KCNQ1: variants seen among roughly 807,000 people sequenced by gnomAD.
KCNQ1 encodes the protein potassium voltage-gated channel subfamily KQT member 1.
A neutral mutation model predicts 72.4 loss-of-function variants in KCNQ1; 49 were observed. The ratio of observed to expected loss-of-function variants is 0.68; its 90% CI spans 0.54 to 0.86. KCNQ1 has a LOEUF of 0.86. KCNQ1 is among the 40% of genes least tolerant of loss of function. The probability of loss-of-function intolerance (pLI) is 0.00; values close to 1 mark genes in which losing one functional copy is unlikely to be tolerated. For missense variants in KCNQ1, 790 were observed against 945.1 expected (o/e 0.84, Z 2.15); for synonymous variants, 450 against 412.6 (o/e 1.09, Z -1.10).
chr11:2,741,152 G>T (rs924623274), intron 11 of KCNQ1, among the ~76,000 whole-genome samples: 2 of 152,190 alleles, frequency 1.3e-5, no homozygotes, highest in Non-Finnish European at 2.9e-5. Context: ...AAGAGTCTCT[G>T]GTGAGTCTCA....
chr11:2,542,701 A>G (rs549840609), intron 2 of KCNQ1, among the ~76,000 whole-genome samples: 103 of 152,288 alleles, frequency 6.8e-4, no homozygotes, highest in African/African-American at 2.3e-3. Context: ...TGTCAGTGCA[A>G]TCATACAGTG....
chr11:2,817,322 G>A lies in KCNQ1; in HGVS notation c.1795-30445G>A, dbSNP rs370974875. On this transcript the variant is annotated intron_variant, in intron 15 of 15. Coordinates refer to ENST00000155840, the MANE Select transcript of KCNQ1 (RefSeq NM_000218.3). The surrounding 1 kb of genome is among the most constrained non-coding windows in gnomAD (Gnocchi z 6.1). ...AGAACCCACGGCGGCCCTTTCCGTG[G>A]CTTCAGCCAGTTTCTGAGCGCTACC... is the stretch of plus-strand genomic sequence containing the variant. 1.3e-5 allele frequency among the ~76,000 whole-genome samples: 2 copies of A among 152,120 alleles called. No homozygotes were observed. The highest frequency in any genetic ancestry group is 3.9e-4 in the East Asian group (2 of 5,186).
rs1848126077 is a variant in KCNQ1, at chr11:2,559,422, G to C, written c.478-11206G>C. ...TACTTAGACGTAGAGCCCGGGGCAG[G>C]GGGAGGGCCAGCCCCTGTGGTTTTA... On this transcript the variant is annotated intron_variant, in intron 2 of 15. Transcript: ENST00000155840. The surrounding 1 kb of genome is among the most constrained non-coding windows in gnomAD (Gnocchi z 4.9). 6.6e-6 allele frequency among the ~76,000 whole-genome samples: 1 copy of C among 152,190 alleles called. No homozygotes were observed. The highest frequency in any genetic ancestry group is 2.1e-4 in the South Asian group (1 of 4,832).
intron 15 of KCNQ1, among the ~76,000 whole-genome samples, chr11:2,780,454 C>T (rs998501089): frequency 3.3e-5 from 5 of 152,238 alleles, no homozygotes; most frequent in African/African-American, 9.6e-5. Context: ...CAATGCCCGC[C>T]GGCCCTGCCA....
At chr11:2,694,528 G>A (rs1850642084) in intron 11 of KCNQ1, 1 of 398,536 alleles carries the variant, frequency 2.5e-6, no homozygotes, top group African/African-American at 2.1e-5. Flanking sequence ...GTTGCAAGGG[G>A]TCAGATTTTG....
Position 2,676,706 on chromosome 11 carries a change from A to C in KCNQ1, c.1514+14625A>C, listed in dbSNP as rs1850301113. On this transcript the variant is annotated intron_variant, in intron 11 of 15. Transcript: ENST00000155840. The surrounding 1 kb of genome is among the most constrained non-coding windows in gnomAD (Gnocchi z 4.2). ...ACTAACTGGACTACAGCCTGGCAGG[A>C]GATAACCAAGTCATATGCATAGTGG... 1 of 398,668 alleles carries C rather than the reference A, an allele frequency of 2.5e-6. No homozygotes were observed. Among genetic ancestry groups the C allele is most frequent in the Non-Finnish European group, 4.4e-6 (1 of 226,064 alleles). The allele number at this position is 398,668 out of a possible 1,614,324, so 24.7% of individuals were successfully genotyped here.
chr11:2,619,422 G>T, intron 10 of KCNQ1: 2 of 398,526 alleles, frequency 5.0e-6, no homozygotes, highest in Non-Finnish European at 8.8e-6. Context: ...TGTGTCAATT[G>T]AGATGATCAT....
rs1378130192 is a variant in KCNQ1 at position 2,547,271 on chromosome 11, C to A, written c.477+19253C>A. On this transcript the variant is annotated intron_variant, in intron 2 of 15. Coordinates refer to ENST00000155840, the MANE Select transcript of KCNQ1 (RefSeq NM_000218.3). This position sits in a 1 kb window ranked among gnomAD's most constrained non-coding sequence, Gnocchi z 4.2. ...TTGCGAAACAGTTTCCCTCTGTTGC[C>A]CAGGCTAGAGTGCAGTGGCATGATC... is the stretch of plus-strand genomic sequence containing the variant. Among the ~76,000 whole-genome samples, 1 of 152,056 alleles carries A rather than the reference C, an allele frequency of 6.6e-6. No homozygotes were observed. The highest frequency in any genetic ancestry group is 1.5e-5 in the Non-Finnish European group (1 of 68,016).
chr11:2,589,756 C>A (rs1278638602), intron 10 of KCNQ1, among the ~76,000 whole-genome samples: 1 of 152,242 alleles, frequency 6.6e-6, no homozygotes, highest in Admixed American at 6.5e-5. Context: ...AGCAGGTGAC[C>A]TGTGGTGATG....
In KCNQ1 at chr11:2,653,605, C is replaced by T; in HGVS notation, c.1394-8356C>T. On this transcript the variant is annotated intron_variant, in intron 10 of 15. Coordinates refer to ENST00000155840, the MANE Select transcript of KCNQ1 (RefSeq NM_000218.3). This position sits in a 1 kb window ranked among gnomAD's most constrained non-coding sequence, Gnocchi z 5.3. ...CTTTCCCTTGCTCTCTATCCATTGGCCCCATGGGATGGCTGTATCCTTAGG... is the reference window on the plus strand; with the variant it reads ...CTTTCCCTTGCTCTCTATCCATTGGTCCCATGGGATGGCTGTATCCTTAGG... 1 of 398,664 alleles carries T rather than the reference C, an allele frequency of 2.5e-6. No homozygotes were observed. Among genetic ancestry groups the T allele is most frequent in the Non-Finnish European group, 4.4e-6 (1 of 226,096 alleles). 24.7% of individuals were successfully genotyped at this position (398,664 alleles called of 1,614,324 possible). A position where few individuals can be genotyped will look rare whatever the true frequency, so the allele number is the denominator to read the frequency against.
chr11:2,527,284 C>T (rs895632246), intron 1 of KCNQ1, among the ~76,000 whole-genome samples: 1 of 152,178 alleles, frequency 6.6e-6, no homozygotes, highest in Non-Finnish European at 1.5e-5. Context: ...GAAGCAGACG[C>T]TTGGTGCAGG....
intron 1 of KCNQ1, among the ~76,000 whole-genome samples, chr11:2,480,880 A>G (rs980149868): frequency 6.6e-6 from 1 of 152,254 alleles, no homozygotes; most frequent in African/African-American, 2.4e-5. Flanking sequence ...CCAAGGGCTC[A>G]GAAAGATTCA....
intron 15 of KCNQ1, among the ~76,000 whole-genome samples, chr11:2,804,448 G>A (rs1297453416): frequency 6.6e-6 from 1 of 152,228 alleles, no homozygotes; most frequent in Non-Finnish European, 1.5e-5. Flanking sequence ...TGTATTGACG[G>A]TGCTGGGAGA....
At chr11:2,512,650 T>G (rs991351522) in intron 1 of KCNQ1, among the ~76,000 whole-genome samples, 3 of 152,162 alleles carry the variant, frequency 2.0e-5, no homozygotes, top group Non-Finnish European at 4.4e-5. Context: ...GTCCGTGCCT[T>G]GGGCCTGAGG....
Position 2,491,237 on chromosome 11 carries a change from C to A in KCNQ1, c.387-36691C>A, listed in dbSNP as rs930334480. 5.3e-5 allele frequency among the ~76,000 whole-genome samples: 8 copies of A among 152,214 alleles called. No individual in the cohort carries two copies. The highest frequency in any genetic ancestry group is 3.3e-4 in the Admixed American group (5 of 15,282). On this transcript the variant is annotated intron_variant, in intron 1 of 15. Coordinates refer to ENST00000155840, the MANE Select transcript of KCNQ1 (RefSeq NM_000218.3). This position sits in a 1 kb window ranked among gnomAD's most constrained non-coding sequence, Gnocchi z 4.1. ...GACCATCTAGGAAAACATGACCTGACCAAACAAACTAAATAAAGCATCAGG... is the reference window on the plus strand; with the variant it reads ...GACCATCTAGGAAAACATGACCTGAACAAACAAACTAAATAAAGCATCAGG...
intron 1 of KCNQ1, among the ~76,000 whole-genome samples, chr11:2,518,439 G>A (rs949699994): frequency 3.3e-5 from 5 of 152,208 alleles, no homozygotes; most frequent in Non-Finnish European, 5.9e-5. Flanking sequence ...TGGTGGCCCC[G>A]GCAGGGGGAC....
At chr11:2,697,899 A>G in intron 11 of KCNQ1, 1 of 398,672 alleles carries the variant, frequency 2.5e-6, no homozygotes, top group Non-Finnish European at 4.4e-6. Flanking sequence ...TGGAGCATAA[A>G]TCCTGAAACA....
Position 2,768,700 on chromosome 11 carries a change from A to C in KCNQ1, c.1515-144A>C. On this transcript the variant is annotated intron_variant, in intron 11 of 15. Coordinates refer to ENST00000155840, the MANE Select transcript of KCNQ1 (RefSeq NM_000218.3). This position sits in a 1 kb window ranked among gnomAD's most constrained non-coding sequence, Gnocchi z 6.7. ...TCGAGCCCACACTGGGACATGGCCT[A>C]AGTATCTCCATCCCATGGAGTTGAA... 1.4e-6 allele frequency: 1 copy of C among 729,182 alleles called. No homozygotes were observed. 45.2% of individuals were successfully genotyped at this position (729,182 alleles called of 1,614,324 possible).
At chr11:2,490,363 G>T (rs192926571) in intron 1 of KCNQ1, among the ~76,000 whole-genome samples, 2 of 152,242 alleles carry the variant, frequency 1.3e-5, no homozygotes, top group East Asian at 3.8e-4. Flanking sequence ...CCACCCTAAA[G>T]TGAAGGACAA....
Sources: allele counts gnomAD v4.1 joint callset (sites outside exome capture counted in the v4.1 genomes callset), GRCh38; gene constraint gnomAD v4.1.1; non-coding constraint Gnocchi (gnomAD v3.1); transcripts MANE v1.5; gene names NCBI Gene and HGNC (gene_info 2026-07-23, HGNC 2026-07-21).